FAR2: variants seen among roughly 807,000 people sequenced by gnomAD.
The protein encoded by FAR2 is epididymis secretory protein Li 81.
A neutral mutation model predicts 56.0 loss-of-function variants in FAR2; 19 were observed. The observed-to-expected ratio is 0.34, with a 90% CI of 0.24 to 0.50. The LOEUF is 0.50. FAR2 is among the 20% of genes least tolerant of loss of function. The probability of loss-of-function intolerance (pLI) is 0.98; values close to 1 mark genes in which losing one functional copy is unlikely to be tolerated. For missense variants in FAR2, 508 were observed against 642.2 expected (o/e 0.79, Z 2.26); for synonymous variants, 219 against 218.8 (o/e 1.00, Z -0.01).
chr12:29,271,335 C>T (rs1948615022), intron 2 of FAR2, among the ~76,000 whole-genome samples: 1 of 152,124 alleles, frequency 6.6e-6, no homozygotes, highest in Non-Finnish European at 1.5e-5. Context: ...CAAATTCTGG[C>T]TTATGAATTT....
chr12:29,254,724 G>A (rs1286208884), intron 1 of FAR2, among the ~76,000 whole-genome samples: 2 of 152,132 alleles, frequency 1.3e-5, no homozygotes, highest in African/African-American at 4.8e-5. Flanking sequence ...GGCCGAGGCA[G>A]GCAGATCACT....
intron 1 of FAR2, among the ~76,000 whole-genome samples, chr12:29,239,353 T>C (rs1051834113): frequency 7.2e-5 from 11 of 152,166 alleles, no homozygotes; most frequent in African/African-American, 2.4e-4. Flanking sequence ...GGAAACCCTT[T>C]CCATTTCCTA....
chr12:29,232,437 C>G (rs947631136), intron 1 of FAR2, among the ~76,000 whole-genome samples: 4 of 152,130 alleles, frequency 2.6e-5, no homozygotes, highest in African/African-American at 9.7e-5. Flanking sequence ...CATTGCTTCT[C>G]TTCCTGCTAA....
At chr12:29,207,143 C>T (rs1013620280) in intron 1 of FAR2, among the ~76,000 whole-genome samples, 1 of 152,166 alleles carries the variant, frequency 6.6e-6, no homozygotes, top group Non-Finnish European at 1.5e-5. Flanking sequence ...ACGTATTTGA[C>T]AATCTTTCTT....
intron 1 of FAR2, among the ~76,000 whole-genome samples, chr12:29,177,558 C>T (rs935198135): frequency 1.1e-4 from 17 of 151,898 alleles, no homozygotes; most frequent in African/African-American, 2.9e-4. Context: ...GGGTTTTCTC[C>T]GACAGATGGA....
Position 29,155,715 on chromosome 12 carries a change from C to T in FAR2, c.-39+6308C>T, listed in dbSNP as rs1393314630. 5.3e-5 allele frequency among the ~76,000 whole-genome samples: 8 copies of T among 152,180 alleles called. No homozygotes were observed. The East Asian group carries it at 7.7e-4, about 15-fold the overall frequency. On this transcript the variant is annotated intron_variant, in intron 1 of 11. Transcript: ENST00000536681. ...TTATCAGAAAACAGCTTGTATCATT[C>T]GTCTAGTCATCCCTATTGGCTATGA...
chr12:29,330,896 T>C (rs1036934414), intron 10 of FAR2, among the ~76,000 whole-genome samples: 38 of 152,204 alleles, frequency 2.5e-4, no homozygotes, highest in African/African-American at 8.9e-4. Flanking sequence ...GTCATATTCA[T>C]GTAAAGCTTA....
intron 1 of FAR2, among the ~76,000 whole-genome samples, chr12:29,208,447 T>G (rs1158930701): frequency 6.6e-6 from 1 of 152,246 alleles, no homozygotes; most frequent in Non-Finnish European, 1.5e-5. Context: ...TCCCTCTTAA[T>G]TTTACCGTGT....
At chr12:29,241,700 T>C (rs1948038865) in intron 1 of FAR2, among the ~76,000 whole-genome samples, 1 of 152,214 alleles carries the variant, frequency 6.6e-6, no homozygotes, top group Non-Finnish European at 1.5e-5. Flanking sequence ...ATATTTGAAA[T>C]AAAAAGCAGG....
chr12:29,207,070 C>A (rs1947484746), intron 1 of FAR2, among the ~76,000 whole-genome samples: 1 of 152,050 alleles, frequency 6.6e-6, no homozygotes, highest in Admixed American at 6.5e-5. Context: ...AGAGAGAAGG[C>A]AGAAAAGTCA....
At chr12:29,315,266 G>A (rs1949427171) in intron 8 of FAR2, among the ~76,000 whole-genome samples, 1 of 152,176 alleles carries the variant, frequency 6.6e-6, no homozygotes, top group African/African-American at 2.4e-5. Context: ...AAGTGCTACA[G>A]CTCTTTAATC....
At chr12:29,256,060 C>T (rs2136684524) in intron 1 of FAR2, among the ~76,000 whole-genome samples, 1 of 152,096 alleles carries the variant, frequency 6.6e-6, no homozygotes, top group South Asian at 2.1e-4. Context: ...TTAGTAGAGA[C>T]AGGGTTTCAT....
intron 1 of FAR2, among the ~76,000 whole-genome samples, chr12:29,210,980 G>A (rs1947540063): frequency 6.6e-6 from 1 of 151,932 alleles, no homozygotes; most frequent in Non-Finnish European, 1.5e-5. Context: ...ATAAGTGGGA[G>A]AGTCATTTAC....
chr12:29,257,711 T>C (rs1948348619), intron 1 of FAR2, among the ~76,000 whole-genome samples: 1 of 151,320 alleles, frequency 6.6e-6, no homozygotes, highest in Admixed American at 6.6e-5. Context: ...GGTCTGCAGC[T>C]TCACTCCTGA....
intron 1 of FAR2, among the ~76,000 whole-genome samples, chr12:29,157,708 A>G (rs1383244565): frequency 6.6e-6 from 1 of 152,230 alleles, no homozygotes; most frequent in Non-Finnish European, 1.5e-5. Context: ...ATCACAGGTC[A>G]TTGTGAGGGC....
intron 4 of FAR2, 46 bp downstream of exon 4, chr12:29,297,246 C>A: frequency 2.0e-6 from 3 of 1,513,272 alleles, no homozygotes; most frequent in Non-Finnish European, 2.7e-6. Context: ...AGAATAAGTT[C>A]CTTTGTTCTC....
At chr12:29,308,715 C>CATATATATATAT (rs1416754268) in intron 5 of FAR2, among the ~76,000 whole-genome samples, 16 of 129,564 alleles carry the variant, frequency 1.2e-4, no homozygotes, top group African/African-American at 3.2e-4. Context: ...CACACACACA[C>CATATATATATAT]ACACATATAT....
intron 1 of FAR2, among the ~76,000 whole-genome samples, chr12:29,267,174 C>T (rs1948531298): frequency 6.6e-6 from 1 of 152,046 alleles, no homozygotes; most frequent in South Asian, 2.1e-4. Context: ...TAAATTGTCT[C>T]CTTTTATTTA....
intron 9 of FAR2, among the ~76,000 whole-genome samples, chr12:29,319,564 T>C (rs748705127): frequency 5.3e-5 from 8 of 152,204 alleles, no homozygotes; most frequent in Non-Finnish European, 1.0e-4. Context: ...TCATATATTT[T>C]CTCCAGGTCT....
Sources: gnomAD v4.1 joint callset for allele counts (sites outside exome capture counted in the v4.1 genomes callset) on GRCh38, gnomAD v4.1.1 for gene constraint, MANE v1.5 for transcripts, NCBI Gene and HGNC (gene_info 2026-07-23, HGNC 2026-07-21) for gene names.